The following CIT variants were observed in gnomAD, a reference collection of about 807,000 sequenced individuals.
The protein encoded by CIT is citron Rho-interacting kinase.
A neutral mutation model predicts 272.7 loss-of-function variants in CIT; 79 were observed. The ratio of observed to expected loss-of-function variants is 0.29; its 90% confidence interval spans 0.24 to 0.35. CIT has a LOEUF of 0.35. CIT is among the 10% of genes least tolerant of loss of function. The pLI is 1.00. For synonymous variants in CIT, 948 were observed against 995.6 expected (o/e 0.95, Z 0.90); for missense variants, 1,909 against 2,618.3 (o/e 0.73, Z 5.91).
intron 2 of CIT, among the ~76,000 whole-genome samples, chr12:119,870,975 C>T (rs559854667): frequency 2.6e-5 from 4 of 152,028 alleles, no homozygotes; most frequent in East Asian, 3.9e-4. Context: ...AAACATTAGC[C>T]GGGCGTGGAG....
At chr12:119,771,012 A>G in intron 17 of CIT, 102 bp from the exon 18 acceptor site, 2 of 1,406,538 alleles carry the variant, frequency 1.4e-6, no homozygotes, top group Non-Finnish European at 1.9e-6. Context: ...CACTCGAGTC[A>G]GGAAGAAAAG....
In CIT at chr12:119,734,242, A is replaced by T. The variant is rs1193516676; in HGVS notation, c.3272T>A (p.Val1091Asp). 2 of 1,613,796 alleles carry T rather than the reference A, an allele frequency of 1.2e-6. No homozygotes were observed. Among genetic ancestry groups the T allele is most frequent in the Non-Finnish European group, 1.7e-6 (2 of 1,179,944 alleles). The change falls in exon 26 of 48, where the codon GTC becomes GAC. Residue 1091 changes from valine to aspartate, a missense_variant. By Grantham distance (152) the Val-to-Asp change is radical (BLOSUM62 -3). Coordinates refer to ENST00000392521, the MANE Select transcript of CIT (RefSeq NM_001206999.2). Reference sequence around the variant, plus strand: ...AAACTGGGATTTCTCATCACCCAGGACGCTCCTCCAGGCCTCCCACTGCCG... The same window carrying T: ...AAACTGGGATTTCTCATCACCCAGGTCGCTCCTCCAGGCCTCCCACTGCCG... ...KERQWEAWRS[V>D]LGDEKSQFEC... is the part of the protein sequence containing the mutation.
intron 7 of CIT, 40 bp from the exon 8 acceptor site, chr12:119,825,408 A>G (rs1328387743): frequency 1.3e-6 from 2 of 1,581,056 alleles, no homozygotes; most frequent in Non-Finnish European, 8.7e-7. Flanking sequence ...CAAACTTTCA[A>G]TTATCCTCAA....
At chr12:119,688,386 G>T in intron 47 of CIT, 131 bp from the exon 48 acceptor site, 1 of 871,490 alleles carries the variant, frequency 1.1e-6, no homozygotes, top group Non-Finnish European at 1.9e-6. Context: ...GTGCTTGGCA[G>T]GGCAGCACCC....
intron 41 of CIT, among the ~76,000 whole-genome samples, chr12:119,703,773 G>A (rs902946933): frequency 6.6e-6 from 1 of 152,112 alleles, no homozygotes; most frequent in African/African-American, 2.4e-5. Flanking sequence ...AATATATCAG[G>A]CTTAGGAGGA....
At chr12:119,871,457 A>AC (rs1555269123) in intron 2 of CIT, among the ~76,000 whole-genome samples, 2 of 152,202 alleles carry the variant, frequency 1.3e-5, no homozygotes, top group African/African-American at 4.8e-5. Flanking sequence ...GAATTTAAGA[A>AC]AAACAAACAA....
intron 24 of CIT, among the ~76,000 whole-genome samples, chr12:119,737,688 C>A (rs562086136): frequency 6.6e-6 from 1 of 152,164 alleles, no homozygotes; most frequent in Admixed American, 6.5e-5. Flanking sequence ...ATTATATTTC[C>A]GGTTTGTGAT....
intron 4 of CIT, among the ~76,000 whole-genome samples, chr12:119,854,865 C>A (rs1018590542): frequency 6.6e-6 from 1 of 151,980 alleles, no homozygotes; most frequent in Non-Finnish European, 1.5e-5. Context: ...CAAGAAGAAT[C>A]GCTTGAACCT....
At chr12:119,857,070 A>G (rs1275955115) in intron 4 of CIT, among the ~76,000 whole-genome samples, 1 of 152,218 alleles carries the variant, frequency 6.6e-6, no homozygotes, top group Non-Finnish European at 1.5e-5. Context: ...GCTCTCAAAC[A>G]AGCAACTCCC....
chr12:119,713,501 C>T lies in CIT; in HGVS notation c.4454G>A (p.Ser1485Asn). The change falls in exon 34 of 48, where the codon AGC becomes AAC. Residue 1485 changes from serine to asparagine, a missense_variant. Ser to Asn is a conservative substitution (Grantham distance 46). Transcript: ENST00000392521. This position sits in a 1 kb window ranked among gnomAD's most constrained non-coding sequence, Gnocchi z 5.2. ...CTTCATCCACCCTTCCAGGTGCAAG[C>T]TGCTGCTGGGCTCCTTGGTCTGGAG... ...PGLQTKEPSSSLHLEGWMKVP... is the reference protein window; with the variant it reads ...PGLQTKEPSSNLHLEGWMKVP... 3 of 1,614,222 alleles carry T rather than the reference C, an allele frequency of 1.9e-6. No homozygotes were observed. Among genetic ancestry groups the T allele is most frequent in the Non-Finnish European group, 2.5e-6 (3 of 1,180,044 alleles).
At chr12:119,726,065 T>C (rs538725487) in intron 28 of CIT, among the ~76,000 whole-genome samples, 5 of 151,776 alleles carry the variant, frequency 3.3e-5, no homozygotes, top group Non-Finnish European at 7.4e-5. Flanking sequence ...TTAAATTGTT[T>C]ACAGAGGCAA....
intron 10 of CIT, 101 bp from the exon 11 acceptor site, chr12:119,785,166 G>A (rs1566041054): frequency 1.6e-6 from 2 of 1,267,314 alleles, no homozygotes; most frequent in Non-Finnish European, 2.2e-6. Context: ...AACATCTCAT[G>A]CTCTTGATGT....
At chr12:119,767,230 G>A (rs372886484) in intron 18 of CIT, 48 bp from the exon 19 acceptor site, 23 of 1,340,064 alleles carry the variant, frequency 1.7e-5, no homozygotes, top group Middle Eastern at 1.9e-4. Context: ...GCAGGACACC[G>A]CCAATGCACG....
Position 119,869,119 on chromosome 12 carries a change from T to C in CIT, c.179A>G (p.Glu60Gly). 2 of 1,613,456 alleles carry C rather than the reference T, an allele frequency of 1.2e-6. No homozygotes were observed. The highest frequency in any genetic ancestry group is 1.7e-6 in the Non-Finnish European group (2 of 1,179,808). Residue 60 changes from glutamate to glycine, a missense_variant, in exon 3 of 48, where the codon GAA becomes GGA. By Grantham distance (98) the Glu-to-Gly change is moderately conservative (BLOSUM62 -2). Transcript: ENST00000392521. Reference sequence around the variant, plus strand: ...CATCAGAGCAGGCTGACTGCATTCTTCAAAGAGAACAAAGAGGGCATCTAA... The same window carrying C: ...CATCAGAGCAGGCTGACTGCATTCTCCAAAGAGAACAAAGAGGGCATCTAA... ...GILDALFVLF[E>G]ECSQPALMKI... is the part of the protein sequence containing the mutation.
At chr12:119,692,449 G>A (rs536394040) in intron 46 of CIT, among the ~76,000 whole-genome samples, 5 of 152,234 alleles carry the variant, frequency 3.3e-5, no homozygotes, top group East Asian at 1.9e-4. Flanking sequence ...TTCTGTCAAC[G>A]TCCATAATTG....
chr12:119,854,186 C>T (rs1169335459), intron 4 of CIT, among the ~76,000 whole-genome samples: 1 of 151,972 alleles, frequency 6.6e-6, no homozygotes, highest in African/African-American at 2.4e-5. Context: ...ACCACCACAC[C>T]CGGCTAATTT....
chr12:119,794,781 C>T (rs1048537099), intron 10 of CIT, among the ~76,000 whole-genome samples: 1 of 152,192 alleles, frequency 6.6e-6, no homozygotes, highest in African/African-American at 2.4e-5. Flanking sequence ...GAGTCCAAAG[C>T]ACCCCATACC....
At position 119,712,738 on chromosome 12, in the gene CIT, G is replaced by C. The variant is rs752598422; in HGVS notation, c.4580-43C>G. The C allele has an allele frequency of 2.0e-6, 3 of 1,519,792 alleles. No homozygotes were observed. In the South Asian group the frequency reaches 3.4e-5, roughly 17 times the overall value. 94.1% of individuals were successfully genotyped at this position (1,519,792 alleles called of 1,614,324 possible). Reference sequence around the variant, plus strand: ...GGGCAGAAAGAAAAACAAAAGAACAGGAACAAGAACAAGGGGAGAAGAGAG... The same window carrying C: ...GGGCAGAAAGAAAAACAAAAGAACACGAACAAGAACAAGGGGAGAAGAGAG... On this transcript the variant is annotated intron_variant, in intron 35 of 47. Coordinates refer to ENST00000392521, the MANE Select transcript of CIT (RefSeq NM_001206999.2). This position sits in a 1 kb window ranked among gnomAD's most constrained non-coding sequence, Gnocchi z 5.2.
At position 119,710,612 on chromosome 12, in the gene CIT, A is replaced by C. The variant is rs762291636; in HGVS notation, c.4863T>G (p.Leu1621=). The change falls in exon 38 of 48, where the codon CTT becomes CTG. Residue 1621 remains leucine, a synonymous_variant. Coordinates refer to ENST00000392521, the MANE Select transcript of CIT (RefSeq NM_001206999.2). This position sits in a 1 kb window ranked among gnomAD's most constrained non-coding sequence, Gnocchi z 5.6. The part of the protein sequence containing the change: ...REKAEADAKL[L]GNSLLKLEGD... ...CTTCCAGTTTCAGCAGGGAGTTTCC[A>C]AGCAGTTTCTTTTCATAGGTGAAAG... 2 of 1,614,154 alleles carry C rather than the reference A, an allele frequency of 1.2e-6. No homozygotes were observed. Among genetic ancestry groups the C allele is most frequent in the Admixed American group, 3.3e-5 (2 of 60,020 alleles).
Sources: allele counts gnomAD v4.1 joint callset (sites outside exome capture counted in the v4.1 genomes callset), GRCh38; gene constraint gnomAD v4.1.1; non-coding constraint Gnocchi (gnomAD v3.1); transcripts MANE v1.5; gene names NCBI Gene and HGNC (gene_info 2026-07-23, HGNC 2026-07-21).